The following LMO7 variants were observed in gnomAD, a reference collection of about 807,000 sequenced individuals.
LMO7 encodes LIM domain 7.
In LMO7, 120 loss-of-function variants were observed where a neutral mutation model predicts 206.5. That is an observed-to-expected ratio of 0.58 (90% confidence interval 0.50 to 0.68). The LOEUF is 0.68. Among genes scored for constraint, LMO7 ranks in the 30% least tolerant of loss-of-function variants. LMO7 has a pLI of 0.00. For missense variants in LMO7, 1,959 were observed against 1,957.9 expected (o/e 1.00, Z -0.01); for synonymous variants, 706 against 681.5 (o/e 1.04, Z -0.56).
intron 6 of LMO7, among the ~76,000 whole-genome samples, chr13:75,798,866 G>T (rs2054367208): frequency 6.6e-6 from 1 of 152,220 alleles, no homozygotes; most frequent in Admixed American, 6.5e-5. Flanking sequence ...TGAAGTGGCT[G>T]TCATCAATAA....
intron 1 of LMO7, among the ~76,000 whole-genome samples, chr13:75,653,156 A>G (rs555087971): frequency 6.6e-6 from 1 of 152,328 alleles, no homozygotes; most frequent in Admixed American, 6.5e-5. Flanking sequence ...AAACTTCTGA[A>G]GAAAACTTGC....
At chr13:75,697,595 G>T (rs1344771836) in intron 1 of LMO7, among the ~76,000 whole-genome samples, 1 of 152,170 alleles carries the variant, frequency 6.6e-6, no homozygotes, top group African/African-American at 2.4e-5. Flanking sequence ...ATGAGATTTG[G>T]GTGGGGACAC....
Position 75,819,484 on chromosome 13 carries a change from T to C in LMO7, c.2156T>C (p.Leu719Pro), listed in dbSNP as rs45443891. 6.2e-7 allele frequency: 1 copy of C among 1,613,258 alleles called. No homozygotes were observed. The highest frequency in any genetic ancestry group is 8.5e-7 in the Non-Finnish European group (1 of 1,179,800). Residue 719 changes from leucine to proline, a missense_variant, in exon 13 of 31, where the codon CTT becomes CCT. Physicochemically the swap from Leu to Pro is moderately conservative, Grantham distance 98 (BLOSUM62 -3). Coordinates refer to ENST00000377534, the MANE Select transcript of LMO7 (RefSeq NM_001306080.2). ...AGAGAAGAAATTGAAAAGCAGGCAC[T>C]TGAGAAGTCTAAGAGAAGCTCTAAG... ...EEREEIEKQA[L>P]EKSKRSSKTF...
chr13:75,792,094 A>G (rs2053390192), intron 4 of LMO7, among the ~76,000 whole-genome samples: 3 of 152,018 alleles, frequency 2.0e-5, no homozygotes, highest in African/African-American at 7.3e-5. Context: ...TCAGCCTCCC[A>G]AGTAGCTGGA....
intron 3 of LMO7, among the ~76,000 whole-genome samples, chr13:75,732,811 TC>T (rs1449424431): frequency 6.6e-6 from 1 of 152,206 alleles, no homozygotes; most frequent in Admixed American, 6.5e-5. Flanking sequence ...GGTGTGGATG[TC>T]CTTTCTGTTT....
chr13:75,778,653 C>A (rs2140250409), intron 4 of LMO7, among the ~76,000 whole-genome samples: 1 of 152,270 alleles, frequency 6.6e-6, no homozygotes, highest in East Asian at 1.9e-4. Context: ...CACTTAACTT[C>A]GAGTTTCTTT....
chr13:75,660,793 G>C (rs1156298313), intron 1 of LMO7, among the ~76,000 whole-genome samples: 1 of 152,074 alleles, frequency 6.6e-6, no homozygotes, highest in African/African-American at 2.4e-5. Flanking sequence ...TCCGTTTTTA[G>C]AAACCCGGTC....
intron 4 of LMO7, among the ~76,000 whole-genome samples, chr13:75,762,682 A>G (rs1385732024): frequency 3.9e-5 from 6 of 152,214 alleles, no homozygotes; most frequent in Non-Finnish European, 5.9e-5. Flanking sequence ...ACGTAGTTAT[A>G]GCTGTAGTGA....
At chr13:75,816,966 T>A (rs958241607) in intron 11 of LMO7, 195 bp from the exon 12 acceptor site, 3 of 428,544 alleles carry the variant, frequency 7.0e-6, no homozygotes, top group Middle Eastern at 5.4e-4. Context: ...TGTGAAAAAA[T>A]TCACACTCGA....
chr13:75,677,887 G>T (rs2139457312), intron 1 of LMO7, among the ~76,000 whole-genome samples: 1 of 145,704 alleles, frequency 6.9e-6, no homozygotes, highest in East Asian at 2.0e-4. Flanking sequence ...GTGAGAACAT[G>T]CAGTGTTTGG....
At chr13:75,853,792 GT>G (rs752337809) in intron 28 of LMO7, among the ~76,000 whole-genome samples, 7 of 152,198 alleles carry the variant, frequency 4.6e-5, no homozygotes, top group South Asian at 2.1e-4. Flanking sequence ...TCATGACAGT[GT>G]CATACAAACT....
At chr13:75,626,540 C>G (rs771468613) in intron 2 of LMO7, among the ~76,000 whole-genome samples, 47 of 142,094 alleles carry the variant, frequency 3.3e-4, no homozygotes, top group Non-Finnish European at 6.2e-4. Flanking sequence ...GGTGGGGACA[C>G]AGCCAAACCA....
At chr13:75,656,525 C>T (rs1422325224) in intron 1 of LMO7, among the ~76,000 whole-genome samples, 1 of 152,070 alleles carries the variant, frequency 6.6e-6, no homozygotes, top group East Asian at 1.9e-4. Context: ...TTGACTGTAA[C>T]ATTTTCTCTT....
intron 5 of LMO7, 23 bp from the exon 6 acceptor site, chr13:75,796,613 T>A: frequency 2.1e-6 from 3 of 1,437,852 alleles, no homozygotes; most frequent in Non-Finnish European, 2.9e-6. Flanking sequence ...ATCTTGTTGT[T>A]CATGGATTTT....
intron 3 of LMO7, among the ~76,000 whole-genome samples, chr13:75,751,323 G>C (rs552148452): frequency 2.0e-5 from 3 of 151,742 alleles, no homozygotes; most frequent in Non-Finnish European, 4.4e-5. Context: ...ACCAGGCCTG[G>C]CTAATTATTT....
chr13:75,739,661 A>G (rs1374650409), intron 3 of LMO7, among the ~76,000 whole-genome samples: 2 of 152,152 alleles, frequency 1.3e-5, no homozygotes, highest in African/African-American at 4.8e-5. Flanking sequence ...TCACTCTCCC[A>G]CGGCAAAATA....
intron 9 of LMO7, 125 bp downstream of exon 9, chr13:75,805,885 C>T (rs1044720913): frequency 7.8e-6 from 9 of 1,153,832 alleles, no homozygotes; most frequent in African/African-American, 3.1e-5. Context: ...CTAGTATCTG[C>T]GGAACCTATA....
chr13:75,635,375 C>T (rs1183612616), upstream of LMO7, among the ~76,000 whole-genome samples: 2 of 152,044 alleles, frequency 1.3e-5, no homozygotes, highest in Non-Finnish European at 2.9e-5. Context: ...TTTGTGGAGA[C>T]CTGATTTGAG....
intron 15 of LMO7, among the ~76,000 whole-genome samples, chr13:75,832,767 A>G (rs1167578601): frequency 6.6e-6 from 1 of 152,202 alleles, no homozygotes; most frequent in South Asian, 2.1e-4. Flanking sequence ...TACAGTGGGC[A>G]GAAACCTAAG....
Sources: gnomAD v4.1 joint callset for allele counts (sites outside exome capture counted in the v4.1 genomes callset) on GRCh38, gnomAD v4.1.1 for gene constraint, MANE v1.5 for transcripts, NCBI Gene and HGNC (gene_info 2026-07-23, HGNC 2026-07-21) for gene names.